Variants in PRKCB observed in about 807,000 individuals in gnomAD.
PRKCB encodes the protein protein kinase C beta type.
A neutral mutation model predicts 81.5 loss-of-function variants in PRKCB; 13 were observed. The observed-to-expected ratio is 0.16, with a 90% CI of 0.10 to 0.25. PRKCB has a LOEUF of 0.25. Among genes scored for constraint, PRKCB ranks in the 10% least tolerant of loss-of-function variants. The probability of loss-of-function intolerance (pLI) is 1.00; values close to 1 mark genes in which losing one functional copy is unlikely to be tolerated. For synonymous variants in PRKCB, 335 were observed against 321.4 expected, an observed-to-expected ratio of 1.04 and a Z score of -0.45; for missense variants, 509 against 875.7, an observed-to-expected ratio of 0.58 and a Z score of 5.29.
chr16:24,158,995 C>G (rs184980299), intron 10 of PRKCB, among the ~76,000 whole-genome samples: 1 of 152,260 alleles, frequency 6.6e-6, no homozygotes, highest in Non-Finnish European at 1.5e-5. Context: ...CCAAAGACCA[C>G]TCCACCTGAC....
intron 5 of PRKCB, among the ~76,000 whole-genome samples, chr16:24,062,295 G>A (rs940030762): frequency 6.6e-6 from 1 of 152,166 alleles, no homozygotes; most frequent in Non-Finnish European, 1.5e-5. Context: ...GGAGGGACAG[G>A]GATGCCTTGG....
chr16:24,127,818 T>C (rs917530994), intron 9 of PRKCB, among the ~76,000 whole-genome samples: 4 of 152,226 alleles, frequency 2.6e-5, no homozygotes, highest in Admixed American at 6.5e-5. Flanking sequence ...CAAACACCTC[T>C]ATGATCCTTT....
At chr16:24,123,257 C>T (rs1966823530) in intron 8 of PRKCB, among the ~76,000 whole-genome samples, 2 of 152,194 alleles carry the variant, frequency 1.3e-5, no homozygotes, top group Admixed American at 6.5e-5. Context: ...GTAGCAGCAG[C>T]AGGTGCAAAG....
chr16:24,009,717 TA>T (rs1296344791), intron 3 of PRKCB, among the ~76,000 whole-genome samples: 1 of 151,026 alleles, frequency 6.6e-6, no homozygotes, highest in Non-Finnish European at 1.5e-5. Context: ...TTTGAGCACT[TA>T]AAAAACAAAA....
intron 2 of PRKCB, among the ~76,000 whole-genome samples, chr16:23,969,593 C>A (rs1964530206): frequency 6.6e-6 from 1 of 152,114 alleles, no homozygotes; most frequent in Non-Finnish European, 1.5e-5. Flanking sequence ...ATGAGTTAAT[C>A]TACGTAAAGA....
chr16:23,978,167 G>A (rs955892573), intron 2 of PRKCB, among the ~76,000 whole-genome samples: 4 of 152,134 alleles, frequency 2.6e-5, no homozygotes, highest in East Asian at 3.9e-4. Flanking sequence ...TGGATGGCCT[G>A]TACAGAACTT....
intron 2 of PRKCB, chr16:23,963,345 T>A (rs1964449325): frequency 6.6e-6 from 1 of 152,226 alleles, no homozygotes; most frequent in South Asian, 2.1e-4. Context: ...AAGCGTTCAA[T>A]CAGTGCCAAT....
intron 5 of PRKCB, among the ~76,000 whole-genome samples, chr16:24,054,509 T>A (rs1965881361): frequency 6.6e-6 from 1 of 152,232 alleles, no homozygotes; most frequent in Admixed American, 6.5e-5. Flanking sequence ...CCCAGGTTTG[T>A]CTTAATATGG....
chr16:24,042,852 C>T (rs1333952350), intron 5 of PRKCB, among the ~76,000 whole-genome samples: 1 of 151,996 alleles, frequency 6.6e-6, no homozygotes, highest in East Asian at 1.9e-4. Context: ...ATTCTCCCAC[C>T]TCAGCCTACA....
intron 5 of PRKCB, among the ~76,000 whole-genome samples, chr16:24,077,519 A>G (rs1025203357): frequency 1.3e-5 from 2 of 150,008 alleles, no homozygotes; most frequent in African/African-American, 4.9e-5. Flanking sequence ...CCATCCATCC[A>G]GTTCATACAT....
intron 2 of PRKCB, among the ~76,000 whole-genome samples, chr16:23,920,728 G>T (rs2141744975): frequency 6.6e-6 from 1 of 152,318 alleles, no homozygotes; most frequent in African/African-American, 2.4e-5. Context: ...AGGGGAAGGG[G>T]ATGGAAGGGG....
chr16:24,123,042 C>T (rs916248940), intron 8 of PRKCB, among the ~76,000 whole-genome samples: 2 of 152,158 alleles, frequency 1.3e-5, no homozygotes, highest in Non-Finnish European at 2.9e-5. Flanking sequence ...TATTCCGTGT[C>T]CACAACAGTC....
intron 2 of PRKCB, among the ~76,000 whole-genome samples, chr16:23,884,031 A>G (rs1008913411): frequency 6.6e-6 from 1 of 152,226 alleles, no homozygotes; most frequent in African/African-American, 2.4e-5. Flanking sequence ...ACTTCCCCGC[A>G]TAGCAAGTCT....
chr16:24,144,343 G>A (rs542926583), intron 9 of PRKCB, among the ~76,000 whole-genome samples: 1 of 152,112 alleles, frequency 6.6e-6, no homozygotes, highest in Non-Finnish European at 1.5e-5. Context: ...ACCCAGGCTG[G>A]AGTGCAGTGG....
intron 2 of PRKCB, among the ~76,000 whole-genome samples, chr16:23,862,313 A>G (rs1364023847): frequency 6.6e-6 from 1 of 152,218 alleles, no homozygotes; most frequent in Non-Finnish European, 1.5e-5. Flanking sequence ...TTCAAGAGTC[A>G]GCCAGACATT....
In PRKCB at chr16:24,184,813, G is replaced by A. The variant is rs145685982; in HGVS notation, c.1534-298G>A. Among the ~76,000 whole-genome samples, 541 of 152,278 alleles carry A rather than the reference G, an allele frequency of 3.6e-3. 2 individuals are homozygous for A. Among genetic ancestry groups the A allele is most frequent in the Non-Finnish European group, 6.5e-3 (444 of 68,022 alleles). ...AGTATATTTACATTATTGTGTAAAT[G>A]TTGTAACTTTTACAGAGGAGTAAAG... On this transcript the variant is annotated intron_variant, in intron 13 of 16. Coordinates refer to ENST00000643927, the MANE Select transcript of PRKCB (RefSeq NM_002738.7).
intron 15 of PRKCB, among the ~76,000 whole-genome samples, chr16:24,189,917 G>A (rs1228636776): frequency 6.6e-6 from 1 of 152,134 alleles, no homozygotes; most frequent in Non-Finnish European, 1.5e-5. Flanking sequence ...TTTTGGACTT[G>A]TATGCTTCTT....
At chr16:23,988,266 A>G (rs1452929214) in intron 2 of PRKCB, among the ~76,000 whole-genome samples, 1 of 152,240 alleles carries the variant, frequency 6.6e-6, no homozygotes, top group Non-Finnish European at 1.5e-5. Context: ...AGCATATGGA[A>G]TCTTTCTAAC....
At chr16:23,982,389 C>T (rs1964750643) in intron 2 of PRKCB, among the ~76,000 whole-genome samples, 1 of 149,108 alleles carries the variant, frequency 6.7e-6, no homozygotes, top group African/African-American at 2.5e-5. Flanking sequence ...TTTCCCTTCC[C>T]CTTCGCTTCT....
Sources: gnomAD v4.1 joint callset for allele counts (sites outside exome capture counted in the v4.1 genomes callset) on GRCh38, gnomAD v4.1.1 for gene constraint, MANE v1.5 for transcripts, NCBI Gene and HGNC (gene_info 2026-07-23, HGNC 2026-07-21) for gene names.